EVI5: variants seen among roughly 807,000 people sequenced by gnomAD.
The protein encoded by EVI5 is ecotropic viral integration site 5 protein homolog.
EVI5 carries 73 observed loss-of-function variants against 112.0 expected under a neutral mutation model. The ratio of observed to expected loss-of-function variants is 0.65; its 90% confidence interval spans 0.54 to 0.79. The LOEUF (loss-of-function observed/expected upper bound fraction) is 0.79. Among genes scored for constraint, EVI5 ranks in the 30% least tolerant of loss-of-function variants. The pLI, the probability that EVI5 is intolerant of heterozygous loss-of-function variation, is 0.00. For synonymous variants in EVI5, 305 were observed against 319.9 expected (o/e 0.95, Z 0.50); for missense variants, 900 against 968.8 (o/e 0.93, Z 0.94).
chr1:92,632,128 G>A (rs191607165), intron 14 of EVI5, among the ~76,000 whole-genome samples: 5 of 152,124 alleles, frequency 3.3e-5, no homozygotes, highest in Non-Finnish European at 7.4e-5. Flanking sequence ...CAGGGATATT[G>A]GTCTAAAATT....
chr1:92,552,792 T>C (rs1667139244), intron 19 of EVI5, among the ~76,000 whole-genome samples: 1 of 152,196 alleles, frequency 6.6e-6, no homozygotes, highest in Non-Finnish European at 1.5e-5. Flanking sequence ...TTACTTGGTT[T>C]CTTACATTTT....
chr1:92,586,410 A>G (rs1672787902), intron 18 of EVI5, among the ~76,000 whole-genome samples: 1 of 152,060 alleles, frequency 6.6e-6, no homozygotes, highest in Non-Finnish European at 1.5e-5. Flanking sequence ...ATATAGGCTC[A>G]TGGATATTTA....
At chr1:92,643,972 T>A (rs756641857) in intron 13 of EVI5, among the ~76,000 whole-genome samples, 1 of 152,090 alleles carries the variant, frequency 6.6e-6, no homozygotes, top group Non-Finnish European at 1.5e-5. Flanking sequence ...TGAGAGAATA[T>A]GAAAGTCACC....
chr1:92,761,691 A>C (rs1681905119), intron 1 of EVI5, among the ~76,000 whole-genome samples: 1 of 152,202 alleles, frequency 6.6e-6, no homozygotes, highest in Admixed American at 6.5e-5. Flanking sequence ...GGTTGGTCTC[A>C]AACTCCTGGG....
chr1:92,695,030 T>C (rs924873167), intron 7 of EVI5, among the ~76,000 whole-genome samples: 1 of 152,244 alleles, frequency 6.6e-6, no homozygotes, highest in Non-Finnish European at 1.5e-5. Flanking sequence ...AAACTGCCTA[T>C]GTTTGAATCC....
chr1:92,593,628 T>C (rs1320811638), intron 18 of EVI5, among the ~76,000 whole-genome samples: 1 of 152,164 alleles, frequency 6.6e-6, no homozygotes, highest in Admixed American at 6.5e-5. Flanking sequence ...GGAAGTCAAA[T>C]TGTCCCTGTT....
intron 2 of EVI5, among the ~76,000 whole-genome samples, chr1:92,723,065 T>G (rs1326595964): frequency 1.3e-5 from 2 of 152,218 alleles, no homozygotes; most frequent in Non-Finnish European, 2.9e-5. Context: ...TTCCTAATCC[T>G]GTTCCCTGTG....
At chr1:92,559,329 CTAATTT>C (rs1362308234) in intron 19 of EVI5, among the ~76,000 whole-genome samples, 2 of 152,180 alleles carry the variant, frequency 1.3e-5, no homozygotes, top group African/African-American at 4.8e-5. Context: ...ACTTGCCTCT[CTAATTT>C]TATCTTATAC....
chr1:92,749,350 T>C (rs183968859), intron 1 of EVI5: 1 of 182,472 alleles, frequency 5.5e-6, no homozygotes, highest in Middle Eastern at 2.1e-3. Flanking sequence ...ATTTTTAACT[T>C]CTTAAAAGGC....
intron 16 of EVI5, among the ~76,000 whole-genome samples, chr1:92,619,369 C>G (rs1053218163): frequency 5.3e-5 from 8 of 151,972 alleles, no homozygotes; most frequent in Non-Finnish European, 1.2e-4. Context: ...TTGACTGGCA[C>G]TTCTTGCTCC....
At chr1:92,769,313 T>C (rs553869700) in intron 1 of EVI5, among the ~76,000 whole-genome samples, 1 of 152,358 alleles carries the variant, frequency 6.6e-6, no homozygotes, top group South Asian at 2.1e-4. Flanking sequence ...AAGATTTCTT[T>C]TCTAATAATA....
intron 18 of EVI5, among the ~76,000 whole-genome samples, chr1:92,585,615 C>T (rs570166713): frequency 1.3e-5 from 2 of 152,198 alleles, no homozygotes; most frequent in Admixed American, 6.5e-5. Context: ...ATTCCAATGG[C>T]TCCTAAAAAC....
rs1368513499 is a variant in EVI5 at position 92,736,592 on chromosome 1, A to T, written c.-46T>A. ...CTGTGTTCTTCACCCATGAGAGAGTAGAGCTCAGCTTTTCTGCAACTTTGT... is the reference window on the plus strand; with the variant it reads ...CTGTGTTCTTCACCCATGAGAGAGTTGAGCTCAGCTTTTCTGCAACTTTGT... On this transcript the variant is annotated 5_prime_UTR_variant, in exon 2 of 20. Transcript: ENST00000684568. 1.2e-6 allele frequency: 2 copies of T among 1,613,926 alleles called. No individual in the cohort carries two copies. Among genetic ancestry groups the T allele is most frequent in the Non-Finnish European group, 1.7e-6 (2 of 1,179,902 alleles).
chr1:92,716,968 G>A (rs1433588575), intron 2 of EVI5, among the ~76,000 whole-genome samples: 1 of 151,890 alleles, frequency 6.6e-6, no homozygotes, highest in African/African-American at 2.4e-5. Context: ...CAGAAGGTCA[G>A]TAATAACAAA....
At position 92,601,051 on chromosome 1, in the gene EVI5, C is replaced by T. The variant is rs147816500; in HGVS notation, c.2070+4256G>A. Among the ~76,000 whole-genome samples the T allele has an allele frequency of 3.0e-4, 45 of 152,120 alleles. No individual in the cohort carries two copies. In the East Asian group the frequency reaches 3.3e-3, roughly 11 times the overall value. On this transcript the variant is annotated intron_variant, in intron 18 of 19. Transcript: ENST00000684568. ...AGGGGAGGTGAGAATGCAAGGAGGA[C>T]GAAATGGTCAAAAACAAATGCAATA...
At chr1:92,749,629 C>T (rs6660296) in intron 1 of EVI5, among the ~76,000 whole-genome samples, 139,522 of 151,776 alleles carry the variant, frequency 0.92, 64,207 homozygotes, top group East Asian at 0.97. Flanking sequence ...TAAATATATA[C>T]ACCTAGTTAA....
At chr1:92,647,617 G>A (rs1661217275) in intron 13 of EVI5, 1 of 436,424 alleles carries the variant, frequency 2.3e-6, no homozygotes, top group Admixed American at 2.7e-5. Context: ...CTTTCCCTCT[G>A]GTTTCTTGGG....
At chr1:92,693,710 T>C in intron 9 of EVI5, 92 bp downstream of exon 9, 1 of 710,388 alleles carries the variant, frequency 1.4e-6, no homozygotes, top group Non-Finnish European at 2.4e-6. Context: ...CCGAAGAAAA[T>C]AATATAGTTC....
chr1:92,666,111 T>C (rs1664841283), intron 10 of EVI5, 119 bp from the exon 11 acceptor site: 2 of 618,162 alleles, frequency 3.2e-6, no homozygotes. Flanking sequence ...TAAGGAATGA[T>C]TACATTATCA....
Sources: allele counts gnomAD v4.1 joint callset (sites outside exome capture counted in the v4.1 genomes callset), GRCh38; gene constraint gnomAD v4.1.1; transcripts MANE v1.5; gene names NCBI Gene and HGNC (gene_info 2026-07-23, HGNC 2026-07-21).